DEFB109B: variants seen among roughly 807,000 people sequenced by gnomAD.
DEFB109B encodes the protein defensin beta 109B.
At chr8:7,315,636 C>T (rs1246314939) in intron 1 of DEFB109B, among the ~76,000 whole-genome samples, 2 of 131,460 alleles carry the variant, frequency 1.5e-5, no homozygotes, top group Non-Finnish European at 3.0e-5. Flanking sequence ...AGCCCACACT[C>T]AGCCTTTCAA....
intron 1 of DEFB109B, among the ~76,000 whole-genome samples, chr8:7,315,467 C>T (rs1251479367): frequency 1.5e-5 from 2 of 130,532 alleles, no homozygotes; most frequent in African/African-American, 7.6e-5. Context: ...CCATTGCACT[C>T]TAGCCTGGGC....
chr8:7,319,671 C>T (rs1803192320), intron 1 of DEFB109B, 75 bp from the exon 2 acceptor site: 1 of 147,090 alleles, frequency 6.8e-6, no homozygotes, highest in Admixed American at 6.6e-5. Flanking sequence ...TAAATTTATT[C>T]TGTTACTTAA....
At chr8:7,311,899 T>A (rs1281607861), upstream of DEFB109B, among the ~76,000 whole-genome samples, 2 of 101,380 alleles carry the variant, frequency 2.0e-5, no homozygotes, top group Non-Finnish European at 3.4e-5. Context: ...CTTGAATTCT[T>A]ACAAATAAGC....
intron 1 of DEFB109B, among the ~76,000 whole-genome samples, chr8:7,315,160 C>T (rs1318648198): frequency 2.5e-4 from 20 of 79,128 alleles, no homozygotes; most frequent in Non-Finnish European, 3.9e-4. Context: ...TCAAAAGTGT[C>T]TCAGGTAGTT....
At chr8:7,319,613 A>T (rs1011899854) in intron 1 of DEFB109B, 133 bp from the exon 2 acceptor site, 1 of 142,324 alleles carries the variant, frequency 7.0e-6, no homozygotes. Context: ...TGTCTCTGAC[A>T]TATGAGCAGC....
exon 2 of DEFB109B, chr8:7,319,890 C>A (rs1291974982): frequency 1.3e-5 from 1 of 74,348 alleles, no homozygotes; most frequent in Non-Finnish European, 2.4e-5. Context: ...ATTTTAATGC[C>A]AATTCCAACA....
rs1356292869 is a variant in DEFB109B at position 7,315,740 on chromosome 8, G to C, written n.58+2837G>C. ...TGCAACTCAGGTACACACAAAGCAT[G>C]TGTGGATCCGTTCTTTTTTCAGTAG... On this transcript the variant is annotated intron_variant and non_coding_transcript_variant, in intron 1 of 1. Coordinates refer to ENST00000382656, the Ensembl canonical transcript of DEFB109B. Among the ~76,000 whole-genome samples, 4 of 141,290 alleles carry C rather than the reference G, an allele frequency of 2.8e-5. 1 individual carries two copies. The highest frequency in any genetic ancestry group is 1.2e-4 in the African/African-American group (4 of 32,450). 92.7% of individuals were successfully genotyped at this position (141,290 alleles called of 152,430 possible).
intron 1 of DEFB109B, among the ~76,000 whole-genome samples, chr8:7,316,780 C>A (rs1802965083): frequency 7.2e-6 from 1 of 138,250 alleles, no homozygotes; most frequent in Admixed American, 6.8e-5. Context: ...GTGTCCACCA[C>A]CATCTTCAGC....
At position 7,313,694 on chromosome 8, in the gene DEFB109B, G is replaced by GA. The variant is rs200298527; in HGVS notation, n.58+801dup. 5.2e-3 allele frequency among the ~76,000 whole-genome samples: 691 copies of GA among 131,816 alleles called. 74 individuals are homozygous for GA. Among genetic ancestry groups the GA allele is most frequent in the African/African-American group, 0.014 (429 of 30,532 alleles). 86.5% of individuals were successfully genotyped at this position (131,816 alleles called of 152,430 possible). A position where few individuals can be genotyped will look rare whatever the true frequency, so the allele number is the denominator to read the frequency against. On this transcript the variant is annotated intron_variant and non_coding_transcript_variant, in intron 1 of 1. Transcript: ENST00000382656. ...TAAGCATGCATTTTGGGGGCTTTTG[G>GA]AAAAAAAAAACAGCATAATAAACCT... is the stretch of plus-strand genomic sequence containing the variant.
At chr8:7,313,733 G>A (rs1802764717) in intron 1 of DEFB109B, among the ~76,000 whole-genome samples, 2 of 139,716 alleles carry the variant, frequency 1.4e-5, no homozygotes. Flanking sequence ...GAAGATAAAG[G>A]GAAAATTATA....
At chr8:7,316,811 A>C (rs1437497120) in intron 1 of DEFB109B, among the ~76,000 whole-genome samples, 1 of 100,534 alleles carries the variant, frequency 9.9e-6, no homozygotes, top group Non-Finnish European at 1.9e-5. Context: ...ATATATATAT[A>C]CATTTTTTTT....
chr8:7,319,927 AC>A (rs1025440262), exon 2 of DEFB109B: 1 of 73,350 alleles, frequency 1.4e-5, no homozygotes, highest in Admixed American at 1.5e-4. Context: ...ATTATCAAGA[AC>A]CCCTTAAACC....
intron 1 of DEFB109B, among the ~76,000 whole-genome samples, chr8:7,316,868 C>A (rs1313201055): frequency 3.1e-5 from 4 of 129,170 alleles, no homozygotes; most frequent in Non-Finnish European, 6.1e-5. Flanking sequence ...TTCTTGAACT[C>A]CTGACCTCGT....
At chr8:7,311,912 T>A (rs1407368661), upstream of DEFB109B, among the ~76,000 whole-genome samples, 1 of 109,490 alleles carries the variant, frequency 9.1e-6, no homozygotes, top group Non-Finnish European at 1.6e-5. Context: ...AAATAAGCAA[T>A]GGTACATCAT....
upstream of DEFB109B, among the ~76,000 whole-genome samples, chr8:7,310,615 G>C (rs529052451): frequency 2.1e-5 from 3 of 144,476 alleles, no homozygotes; most frequent in African/African-American, 8.7e-5. Flanking sequence ...GCATGTGCGT[G>C]CCTTTGCATG....
chr8:7,319,660 C>T lies in DEFB109B; in HGVS notation n.59-86C>T, dbSNP rs1448389435. 4 of 146,378 alleles carry T rather than the reference C, an allele frequency of 2.7e-5. 1 individual carries two copies. The highest frequency in any genetic ancestry group is 6.7e-5 in the Admixed American group (1 of 15,028). The allele number at this position is 146,378 out of a possible 1,614,324, so 9.1% of individuals were successfully genotyped here. On this transcript the variant is annotated intron_variant and non_coding_transcript_variant, in intron 1 of 1. Coordinates refer to ENST00000382656, the Ensembl canonical transcript of DEFB109B. ...GAGCTCCCACATAAAAACGTTCATA[C>T]TAAATTTATTCTGTTACTTAAGAGT... is the stretch of plus-strand genomic sequence containing the variant.
intron 1 of DEFB109B, among the ~76,000 whole-genome samples, chr8:7,315,589 A>T (rs1802865121): frequency 7.5e-6 from 1 of 133,068 alleles, no homozygotes; most frequent in Non-Finnish European, 1.5e-5. Flanking sequence ...AATGAGAGTG[A>T]GTGTGTTTGG....
upstream of DEFB109B, among the ~76,000 whole-genome samples, chr8:7,310,184 GT>G (rs1397340973): frequency 0.13 from 285 of 2,166 alleles, no homozygotes; most frequent in African/African-American, 0.27. Context: ...TGGAGAATGA[GT>G]TCAGTTGATC....
At chr8:7,311,750 G>A (rs371940318), upstream of DEFB109B, among the ~76,000 whole-genome samples, 935 of 15,384 alleles carry the variant, frequency 0.061, 87 homozygotes, top group African/African-American at 0.23. Flanking sequence ...CATCTGTAAT[G>A]TAAGTGACTA....
Sources: allele counts gnomAD v4.1 joint callset (sites outside exome capture counted in the v4.1 genomes callset), GRCh38; gene constraint gnomAD v4.1.1; transcripts MANE v1.5; gene names NCBI Gene and HGNC (gene_info 2026-07-23, HGNC 2026-07-21).